DIAPH3: variants seen among roughly 807,000 people sequenced by gnomAD.
DIAPH3 encodes diaphanous related formin 3.
A neutral mutation model predicts 144.3 loss-of-function variants in DIAPH3; 117 were observed. That is an observed-to-expected ratio of 0.81 (90% confidence interval 0.70 to 0.95). DIAPH3 has a LOEUF of 0.95. Among genes scored for constraint, DIAPH3 ranks in the 40% least tolerant of loss-of-function variants. The probability of loss-of-function intolerance (pLI) is 0.00; values close to 1 mark genes in which losing one functional copy is unlikely to be tolerated. For synonymous variants in DIAPH3, 519 were observed against 488.9 expected (o/e 1.06, Z -0.81); for missense variants, 1,421 against 1,412.7 (o/e 1.01, Z -0.09).
chr13:60,147,620 C>G lies in DIAPH3; in HGVS notation c.181-14631G>C, dbSNP rs1951592108. ...TGGAATGGACCAAACCAGCACAGAG[C>G]AAAAGCTTTCTAGACAGGAGGTCTA... On this transcript the variant is annotated intron_variant, in intron 1 of 27. Transcript: ENST00000400324. Among the ~76,000 whole-genome samples the G allele has an allele frequency of 1.3e-5, 2 of 152,196 alleles. 1 individual carries two copies. The highest frequency in any genetic ancestry group is 4.1e-4 in the South Asian group (2 of 4,830).
intron 17 of DIAPH3, among the ~76,000 whole-genome samples, chr13:59,945,127 T>C (rs2048737152): frequency 6.6e-6 from 1 of 152,080 alleles, no homozygotes; most frequent in South Asian, 2.1e-4. Context: ...TCTTTGAAGA[T>C]TTTCCAAAAA....
At chr13:59,876,373 C>G (rs1157836708) in intron 21 of DIAPH3, among the ~76,000 whole-genome samples, 1 of 152,140 alleles carries the variant, frequency 6.6e-6, no homozygotes, top group Non-Finnish European at 1.5e-5. Flanking sequence ...GATCAAAATA[C>G]TCAGTATCAT....
intron 25 of DIAPH3, among the ~76,000 whole-genome samples, chr13:59,808,229 A>G (rs1340555788): frequency 6.6e-6 from 1 of 151,818 alleles, no homozygotes; most frequent in Non-Finnish European, 1.5e-5. Context: ...CCACATTAGA[A>G]GGAGGTATTT....
intron 27 of DIAPH3, among the ~76,000 whole-genome samples, chr13:59,755,297 G>A (rs1170871935): frequency 1.3e-5 from 2 of 152,052 alleles, no homozygotes; most frequent in African/African-American, 2.4e-5. Flanking sequence ...CCCACATGGT[G>A]GAAATAATTT....
chr13:59,716,352 T>G (rs1033927967), intron 27 of DIAPH3, among the ~76,000 whole-genome samples: 2 of 152,176 alleles, frequency 1.3e-5, no homozygotes, highest in Non-Finnish European at 2.9e-5. Context: ...ATTTTTTGTA[T>G]TTTTAGTAGA....
At chr13:59,804,357 G>A (rs920427775) in intron 25 of DIAPH3, among the ~76,000 whole-genome samples, 1 of 152,076 alleles carries the variant, frequency 6.6e-6, no homozygotes, top group Non-Finnish European at 1.5e-5. Flanking sequence ...CTGTACCATG[G>A]TTAAATCATC....
At chr13:59,753,779 T>C (rs2037129112) in intron 27 of DIAPH3, among the ~76,000 whole-genome samples, 1 of 152,126 alleles carries the variant, frequency 6.6e-6, no homozygotes, top group South Asian at 2.1e-4. Context: ...TCAAACAAAA[T>C]ATGGTACCTG....
At chr13:60,087,652 A>C (rs1181975335) in intron 4 of DIAPH3, among the ~76,000 whole-genome samples, 3 of 152,190 alleles carry the variant, frequency 2.0e-5, no homozygotes, top group African/African-American at 7.2e-5. Context: ...AACTTTATCC[A>C]AAACTTTTCT....
chr13:59,768,761 A>G (rs1467811188), intron 27 of DIAPH3, among the ~76,000 whole-genome samples: 1 of 152,184 alleles, frequency 6.6e-6, no homozygotes, highest in African/African-American at 2.4e-5. Flanking sequence ...TTATTTCTAT[A>G]AAAATCTCTC....
rs572239261 is a variant in DIAPH3, at chr13:59,692,036, T to C, written c.3320-25190A>G. ...TTTAGAATGTAGAATACCCCATGTATAGTTCACAGTATTCTCTGTTCTATG... is the reference window on the plus strand; with the variant it reads ...TTTAGAATGTAGAATACCCCATGTACAGTTCACAGTATTCTCTGTTCTATG... On this transcript the variant is annotated intron_variant, in intron 27 of 27. Transcript: ENST00000400324. Among the ~76,000 whole-genome samples the C allele has an allele frequency of 2.6e-5, 4 of 152,082 alleles. No homozygotes were observed. In the South Asian group the frequency reaches 8.3e-4, roughly 32 times the overall value.
chr13:60,069,337 T>C (rs1024985067), intron 4 of DIAPH3, among the ~76,000 whole-genome samples: 1 of 152,172 alleles, frequency 6.6e-6, no homozygotes, highest in African/African-American at 2.4e-5. Flanking sequence ...GGTTGTTTTT[T>C]GCTTGTTGAT....
intron 5 of DIAPH3, among the ~76,000 whole-genome samples, chr13:60,022,026 G>C (rs1350206130): frequency 2.0e-5 from 3 of 152,118 alleles, no homozygotes; most frequent in Non-Finnish European, 4.4e-5. Flanking sequence ...ATTATGAATG[G>C]TATTGTGTTT....
intron 3 of DIAPH3, among the ~76,000 whole-genome samples, chr13:60,110,627 A>T (rs547857670): frequency 6.6e-6 from 1 of 152,174 alleles, no homozygotes; most frequent in Non-Finnish European, 1.5e-5. Context: ...CTTATTTTTT[A>T]AAAAGGGCTT....
intron 4 of DIAPH3, among the ~76,000 whole-genome samples, chr13:60,060,223 T>C (rs1367764832): frequency 1.3e-5 from 2 of 152,014 alleles, no homozygotes; most frequent in Non-Finnish European, 2.9e-5. Context: ...TTCATATTAA[T>C]AATAGTACCA....
At chr13:59,843,209 T>C (rs150289503) in intron 22 of DIAPH3, among the ~76,000 whole-genome samples, 134 of 152,278 alleles carry the variant, frequency 8.8e-4, no homozygotes, top group Middle Eastern at 3.4e-3. Flanking sequence ...AAAGACCAAA[T>C]ATTTACTTTT....
intron 17 of DIAPH3, among the ~76,000 whole-genome samples, chr13:59,946,458 G>A (rs973277548): frequency 2.8e-4 from 43 of 152,114 alleles, no homozygotes; most frequent in Admixed American, 7.9e-4. Context: ...CAAAAAAAGA[G>A]AAGTATTTGA....
chr13:59,705,650 G>A lies in DIAPH3; in HGVS notation c.3320-38804C>T, dbSNP rs145120997. ...ATGAAAATATTGTTGAAGTAAGTAC[G>A]TTAGTGTTTTCTTTCATTATTTTAG... On this transcript the variant is annotated intron_variant, in intron 27 of 27. Coordinates refer to ENST00000400324, the MANE Select transcript of DIAPH3 (RefSeq NM_001042517.2). Among the ~76,000 whole-genome samples, 529 of 152,264 alleles carry A rather than the reference G, an allele frequency of 3.5e-3. 4 individuals carry two copies. Among genetic ancestry groups the A allele is most frequent in the South Asian group, 0.031 (150 of 4,832 alleles).
At chr13:60,078,544 T>C (rs886159854) in intron 4 of DIAPH3, among the ~76,000 whole-genome samples, 1 of 152,022 alleles carries the variant, frequency 6.6e-6, no homozygotes, top group Non-Finnish European at 1.5e-5. Flanking sequence ...TCATTCAAAG[T>C]TAAAATTCAG....
chr13:59,757,557 C>T (rs532142074), intron 27 of DIAPH3, among the ~76,000 whole-genome samples: 5 of 151,922 alleles, frequency 3.3e-5, no homozygotes, highest in Admixed American at 2.0e-4. Flanking sequence ...CCCGCCACCA[C>T]GCCCGGCTAA....
Sources: allele counts gnomAD v4.1 joint callset (sites outside exome capture counted in the v4.1 genomes callset), GRCh38; gene constraint gnomAD v4.1.1; transcripts MANE v1.5; gene names NCBI Gene and HGNC (gene_info 2026-07-23, HGNC 2026-07-21).